RIMS2: variants seen among roughly 807,000 people sequenced by gnomAD.
RIMS2 encodes regulating synaptic membrane exocytosis 2.
A neutral mutation model predicts 174.4 loss-of-function variants in RIMS2; 59 were observed. The ratio of observed to expected loss-of-function variants is 0.34; its 90% confidence interval spans 0.27 to 0.42. The LOEUF (loss-of-function observed/expected upper bound fraction) is 0.42, where lower values mean the gene tolerates loss of function less well. Ranked by LOEUF, RIMS2 falls within the 10% of genes least tolerant of loss-of-function variation. The pLI is 1.00. For missense variants in RIMS2, 1,620 were observed against 1,666.3 expected (o/e 0.97, Z 0.48); for synonymous variants, 606 against 572.5 (o/e 1.06, Z -0.84).
At chr8:104,059,903 C>T (rs1260548264) in intron 19 of RIMS2, among the ~76,000 whole-genome samples, 1 of 152,306 alleles carries the variant, frequency 6.6e-6, no homozygotes, top group South Asian at 2.1e-4. Context: ...ACCAGCCTTG[C>T]ATCCCAGGGA....
chr8:103,935,883 G>A (rs1030299809), intron 12 of RIMS2, among the ~76,000 whole-genome samples: 58 of 152,226 alleles, frequency 3.8e-4, no homozygotes, highest in African/African-American at 1.4e-3. Flanking sequence ...CATGTACAGA[G>A]ATATACAACG....
intron 1 of RIMS2, among the ~76,000 whole-genome samples, chr8:103,528,611 G>T (rs1219195570): frequency 6.6e-6 from 1 of 152,138 alleles, no homozygotes; most frequent in Non-Finnish European, 1.5e-5. Context: ...TCTACATATG[G>T]CTAGCCAGTT....
At position 103,921,008 on chromosome 8, in the gene RIMS2, A is replaced by G. The variant is rs1252213775; in HGVS notation, c.2084-664A>G. On this transcript the variant is annotated intron_variant, in intron 9 of 23. Transcript: ENST00000504942. Reference sequence around the variant, plus strand: ...AATGAGATTCTGTCTCAAAGCAACAACAACAACAACAACAACAACAACAAC... The same window carrying G: ...AATGAGATTCTGTCTCAAAGCAACAGCAACAACAACAACAACAACAACAAC... 746 of 91,122 alleles carry G rather than the reference A, an allele frequency of 8.2e-3. 5 individuals are homozygous for G. The highest frequency in any genetic ancestry group is 0.024 in the African/African-American group (700 of 29,014). 5.6% of individuals were successfully genotyped at this position (91,122 alleles called of 1,614,324 possible).
chr8:103,552,922 C>T (rs544530336), intron 1 of RIMS2, among the ~76,000 whole-genome samples: 10 of 152,104 alleles, frequency 6.6e-5, no homozygotes, highest in African/African-American at 1.9e-4. Flanking sequence ...GTTAGAATGG[C>T]GATCATTAAA....
intron 4 of RIMS2, among the ~76,000 whole-genome samples, chr8:103,893,142 A>G (rs1027906970): frequency 6.6e-5 from 10 of 152,060 alleles, no homozygotes; most frequent in Non-Finnish European, 2.9e-5. Context: ...TCATTTATTC[A>G]TTATTTCTTT....
intron 3 of RIMS2, among the ~76,000 whole-genome samples, chr8:103,860,359 T>C (rs2099051832): frequency 1.3e-5 from 2 of 152,170 alleles, no homozygotes; most frequent in South Asian, 4.1e-4. Context: ...CAAATGATAT[T>C]GTAATAGAAC....
chr8:103,597,848 T>C (rs1192931248), intron 1 of RIMS2, among the ~76,000 whole-genome samples: 4 of 152,074 alleles, frequency 2.6e-5, no homozygotes, highest in African/African-American at 9.7e-5. Context: ...ATGAAATCAA[T>C]TTGGTGTGAA....
intron 2 of RIMS2, among the ~76,000 whole-genome samples, chr8:103,749,508 G>C (rs2097860240): frequency 6.6e-6 from 1 of 152,046 alleles, no homozygotes; most frequent in African/African-American, 2.4e-5. Context: ...CATAGTAGGT[G>C]TATATATTTG....
In RIMS2 at chr8:103,664,116, TA is replaced by T. The variant is rs545650038; in HGVS notation, c.177-32964del. ...AACTGGATCCTTTCCTTACACAGTA[TA>T]AAAAATTAATTCAAGATGGATTAAA... is the stretch of plus-strand genomic sequence containing the variant. On this transcript the variant is annotated intron_variant, in intron 1 of 23. Coordinates refer to ENST00000504942, the Ensembl canonical transcript of RIMS2. 4.2e-3 allele frequency among the ~76,000 whole-genome samples: 638 copies of T among 152,242 alleles called. 3 individuals are homozygous for T. The highest frequency in any genetic ancestry group is 0.015 in the African/African-American group (607 of 41,548).
chr8:103,508,461 A>T (rs1293550240), intron 1 of RIMS2, among the ~76,000 whole-genome samples: 1 of 148,354 alleles, frequency 6.7e-6, no homozygotes. Context: ...ATTTGTTAAA[A>T]AAAAAAAAAA....
chr8:104,124,609 C>T (rs1159654634), intron 19 of RIMS2, among the ~76,000 whole-genome samples: 1 of 152,148 alleles, frequency 6.6e-6, no homozygotes, highest in African/African-American at 2.4e-5. Flanking sequence ...TTGAAAAGCT[C>T]TTCAAGTGGT....
At chr8:103,971,541 A>C (rs2092874623) in intron 15 of RIMS2, among the ~76,000 whole-genome samples, 1 of 151,850 alleles carries the variant, frequency 6.6e-6, no homozygotes, top group African/African-American at 2.4e-5. Flanking sequence ...AACCTTAATA[A>C]ACTTTTCTTA....
chr8:104,049,051 C>T (rs1487734961), intron 19 of RIMS2, among the ~76,000 whole-genome samples: 3 of 151,188 alleles, frequency 2.0e-5, no homozygotes, highest in Non-Finnish European at 4.4e-5. Flanking sequence ...AACTGGGCAT[C>T]GGACTATAGC....
chr8:103,891,044 A>G (rs2099241779), intron 4 of RIMS2, among the ~76,000 whole-genome samples: 1 of 151,946 alleles, frequency 6.6e-6, no homozygotes, highest in South Asian at 2.1e-4. Context: ...ACATTACAAA[A>G]TATCTCTTGT....
At chr8:103,609,551 C>G (rs1345053825) in intron 1 of RIMS2, among the ~76,000 whole-genome samples, 1 of 152,128 alleles carries the variant, frequency 6.6e-6, no homozygotes, top group African/African-American at 2.4e-5. Flanking sequence ...AAGAAGGGGT[C>G]CAGCTTCAAT....
chr8:104,230,788 G>C (rs1358657499), intron 19 of RIMS2, among the ~76,000 whole-genome samples: 1 of 152,216 alleles, frequency 6.6e-6, no homozygotes, highest in Admixed American at 6.5e-5. Flanking sequence ...GACTCAAAGA[G>C]CTGGAGAAAG....
At chr8:103,570,563 G>T (rs1316749968) in intron 1 of RIMS2, among the ~76,000 whole-genome samples, 1 of 152,134 alleles carries the variant, frequency 6.6e-6, no homozygotes, top group Admixed American at 6.5e-5. Flanking sequence ...GGTCGATAAT[G>T]CTCCAGCACA....
At chr8:104,045,323 A>G (rs903840683) in intron 19 of RIMS2, among the ~76,000 whole-genome samples, 1 of 151,892 alleles carries the variant, frequency 6.6e-6, no homozygotes, top group Non-Finnish European at 1.5e-5. Flanking sequence ...AAGCAGCAAA[A>G]TATGTTGACT....
At chr8:103,687,790 C>A (rs1210501217) in intron 1 of RIMS2, among the ~76,000 whole-genome samples, 1 of 152,246 alleles carries the variant, frequency 6.6e-6, no homozygotes, top group Non-Finnish European at 1.5e-5. Flanking sequence ...GCTTACTTCA[C>A]TTAACATAAT....
Sources: allele counts gnomAD v4.1 joint callset (sites outside exome capture counted in the v4.1 genomes callset), GRCh38; gene constraint gnomAD v4.1.1; transcripts MANE v1.5; gene names NCBI Gene and HGNC (gene_info 2026-07-23, HGNC 2026-07-21).